TMCC2: variants seen among roughly 807,000 people sequenced by gnomAD.
TMCC2 encodes the protein transmembrane and coiled-coil domains protein 2.
Under a neutral mutation model 49.4 loss-of-function variants are expected in TMCC2, and 16 were observed. The ratio of observed to expected loss-of-function variants is 0.32; its 90% CI spans 0.22 to 0.49. The LOEUF (loss-of-function observed/expected upper bound fraction) is 0.49. TMCC2 is among the 20% of genes least tolerant of loss of function. TMCC2 has a pLI of 0.99. For synonymous variants in TMCC2, 397 were observed against 434.1 expected (o/e 0.91, Z 1.06); for missense variants, 762 against 989.8 (o/e 0.77, Z 3.09).
At chr1:205,246,558 C>T (rs1330386082) in intron 2 of TMCC2, 2 of 1,546,486 alleles carry the variant, frequency 1.3e-6, no homozygotes, top group Non-Finnish European at 8.7e-7. Context: ...AGGAGCTCTG[C>T]ACGCGTTGGC....
intron 2 of TMCC2, among the ~76,000 whole-genome samples, chr1:205,259,054 G>A (rs1021429163): frequency 2.0e-5 from 3 of 152,212 alleles, no homozygotes; most frequent in African/African-American, 7.2e-5. Context: ...TCCCAGGAGC[G>A]GTGTTCTGCA....
intron 2 of TMCC2, among the ~76,000 whole-genome samples, chr1:205,247,067 C>T (rs777708618): frequency 5.9e-5 from 9 of 152,228 alleles, no homozygotes; most frequent in East Asian, 3.9e-4. Context: ...GATGAGGGGA[C>T]GGTTCCCTGG....
chr1:205,238,486 A>G (rs1322140608), intron 1 of TMCC2, among the ~76,000 whole-genome samples: 1 of 152,118 alleles, frequency 6.6e-6, no homozygotes, highest in Non-Finnish European at 1.5e-5. Context: ...CTGCTGGGAC[A>G]AAGGTCCTGG....
intron 2 of TMCC2, among the ~76,000 whole-genome samples, chr1:205,256,847 C>T (rs1574854961): frequency 6.6e-6 from 1 of 152,216 alleles, no homozygotes; most frequent in South Asian, 2.1e-4. Context: ...AGCTTCTGAT[C>T]ATGGGAGGCA....
intron 3 of TMCC2, among the ~76,000 whole-genome samples, chr1:205,270,170 CT>C (rs553990319): frequency 2.4e-4 from 37 of 152,192 alleles, no homozygotes; most frequent in Non-Finnish European, 4.4e-4. Context: ...CCTCGGCCTC[CT>C]GAGTAGCTGG....
At chr1:205,252,258 G>A (rs1295582865) in intron 2 of TMCC2, among the ~76,000 whole-genome samples, 3 of 152,196 alleles carry the variant, frequency 2.0e-5, no homozygotes, top group Non-Finnish European at 4.4e-5. Context: ...AGGACCAGCA[G>A]GAGAGATGGC....
At chr1:205,233,788 T>C (rs1177673168) in intron 1 of TMCC2, 1 of 152,018 alleles carries the variant, frequency 6.6e-6, no homozygotes, top group African/African-American at 2.4e-5. Flanking sequence ...TGTTTTCTAT[T>C]TGTTTATTTC....
At chr1:205,254,864 C>T (rs1007742569) in intron 2 of TMCC2, among the ~76,000 whole-genome samples, 3 of 152,194 alleles carry the variant, frequency 2.0e-5, no homozygotes, top group Non-Finnish European at 2.9e-5. Context: ...CCACCTGTCT[C>T]CTGCTGCCAC....
Position 205,256,569 on chromosome 1 carries a change from G to A in TMCC2, c.748-12381G>A, listed in dbSNP as rs1363292778. Among the ~76,000 whole-genome samples the A allele has an allele frequency of 2.6e-5, 4 of 152,194 alleles. No homozygotes were observed. The East Asian group carries it at 7.7e-4, about 29-fold the overall frequency. On this transcript the variant is annotated intron_variant, in intron 2 of 4. Transcript: ENST00000358024. Reference sequence around the variant, plus strand: ...GATCTCAGGGCAGAAGAATTCCCCTGGTGAGGCTGGCTGCTGTCAGCTTCC... The same window carrying A: ...GATCTCAGGGCAGAAGAATTCCCCTAGTGAGGCTGGCTGCTGTCAGCTTCC...
At chr1:205,230,634 T>C (rs1392813787) in intron 1 of TMCC2, among the ~76,000 whole-genome samples, 1 of 151,930 alleles carries the variant, frequency 6.6e-6, no homozygotes, top group Non-Finnish European at 1.5e-5. Flanking sequence ...CTCAGCTGAG[T>C]CTGTGAGAGG....
intron 3 of TMCC2, 121 bp from the exon 4 acceptor site, chr1:205,270,999 C>CT (rs1432629863): frequency 7.3e-7 from 1 of 1,374,624 alleles, no homozygotes; most frequent in African/African-American, 1.4e-5. Flanking sequence ...TAGAACAGAG[C>CT]AGAGCTGGAC....
At chr1:205,235,270 G>A (rs1010408640) in intron 1 of TMCC2, among the ~76,000 whole-genome samples, 1 of 151,874 alleles carries the variant, frequency 6.6e-6, no homozygotes, top group African/African-American at 2.4e-5. Flanking sequence ...GGGAAAGCAT[G>A]TGGCAAACGA....
intron 4 of TMCC2, 44 bp downstream of exon 4, chr1:205,271,299 A>G (rs1661579347): frequency 6.2e-7 from 1 of 1,613,456 alleles, no homozygotes; most frequent in African/African-American, 1.3e-5. Flanking sequence ...GTGCTGGTAG[A>G]GCTGGCAGCA....
intron 2 of TMCC2, chr1:205,256,146 C>G: frequency 7.5e-7 from 1 of 1,329,592 alleles, no homozygotes. Flanking sequence ...ACTACCCAAT[C>G]AACGTGACGC....
At position 205,241,814 on chromosome 1, in the gene TMCC2, G is replaced by A. The variant is rs764653278; in HGVS notation, c.517G>A (p.Gly173Ser). The stretch of plus-strand genomic sequence containing the variant: ...CGCCAGCCTGCACAGCAGCAGTGGG[G>A]GCGGCAGCAGCGGGAGCAGCAGCCG... ...RGASLHSSSG[G>S]GSSGSSSRRT... The change falls in exon 2 of 5, where the codon GGC (glycine) becomes AGC (serine). Residue 173 changes from glycine to serine, a missense_variant. Coordinates refer to ENST00000358024, the MANE Select transcript of TMCC2 (RefSeq NM_014858.4). The surrounding 1 kb of genome is among the most constrained non-coding windows in gnomAD (Gnocchi z 7.3). 1.9e-6 allele frequency: 3 copies of A among 1,604,302 alleles called. No homozygotes were observed. In the South Asian group the frequency reaches 3.3e-5, roughly 18 times the overall value.
chr1:205,231,632 T>C (rs926810001), intron 1 of TMCC2, among the ~76,000 whole-genome samples: 1 of 152,172 alleles, frequency 6.6e-6, no homozygotes, highest in Non-Finnish European at 1.5e-5. Flanking sequence ...GAAAAATTGT[T>C]TTCCAATGCT....
chr1:205,254,992 G>A (rs1574852817), intron 2 of TMCC2, among the ~76,000 whole-genome samples: 1 of 152,008 alleles, frequency 6.6e-6, no homozygotes, highest in Admixed American at 6.5e-5. Context: ...CAGGTGGATC[G>A]TTTGTGCCCA....
chr1:205,248,335 C>T (rs1182958564), intron 2 of TMCC2, among the ~76,000 whole-genome samples: 1 of 152,050 alleles, frequency 6.6e-6, no homozygotes, highest in Non-Finnish European at 1.5e-5. Context: ...CTTGAGCCCA[C>T]GAGGTTGAAG....
chr1:205,262,376 C>T (rs1435340973), intron 2 of TMCC2, among the ~76,000 whole-genome samples: 1 of 152,138 alleles, frequency 6.6e-6, no homozygotes, highest in Non-Finnish European at 1.5e-5. Flanking sequence ...CAGCCCAAGG[C>T]CCCTCCACAC....
Sources: allele counts gnomAD v4.1 joint callset (sites outside exome capture counted in the v4.1 genomes callset), GRCh38; gene constraint gnomAD v4.1.1; non-coding constraint Gnocchi (gnomAD v3.1); transcripts MANE v1.5; gene names NCBI Gene and HGNC (gene_info 2026-07-23, HGNC 2026-07-21).